Variants in SPRED2 observed in about 807,000 individuals in gnomAD.
SPRED2 encodes the protein sprouty-related, EVH1 domain-containing protein 2.
Under a neutral mutation model 43.0 loss-of-function variants are expected in SPRED2, and 47 were observed. The ratio of observed to expected loss-of-function variants is 1.09; its 90% CI spans 0.87 to 1.40. The LOEUF is 1.40. SPRED2 is among the 40% of genes most tolerant of loss of function. The pLI, the probability that SPRED2 is intolerant of heterozygous loss-of-function variation, is 0.00. For synonymous variants in SPRED2, 225 were observed against 225.7 expected (o/e 1.00, Z 0.03); for missense variants, 561 against 586.4 (o/e 0.96, Z 0.45).
rs773242396 is a variant in SPRED2 at position 65,334,621 on chromosome 2, G to C, written c.357C>G (p.Ile119Met). 3 of 1,614,142 alleles carry C rather than the reference G, an allele frequency of 1.9e-6. No individual in the cohort carries two copies. Among genetic ancestry groups the C allele is most frequent in the Non-Finnish European group, 2.5e-6 (3 of 1,180,032 alleles). Residue 119 changes from isoleucine to methionine, a missense_variant, in exon 3 of 6, where the codon ATC becomes ATG. Transcript: ENST00000356388. ...RAFDRGVRKA[I>M]EDLIEGSTTS... Reference sequence around the variant, plus strand: ...GTTCAATACCTTCTATAAGGTCTTCGATTGCTTTCCTTACTCCCCTGTCAA... The same window carrying C: ...GTTCAATACCTTCTATAAGGTCTTCCATTGCTTTCCTTACTCCCCTGTCAA...
chr2:65,334,900 T>C (rs909286977), intron 2 of SPRED2, 127 bp from the exon 3 acceptor site: 5 of 875,782 alleles, frequency 5.7e-6, no homozygotes, highest in Non-Finnish European at 9.0e-6. Flanking sequence ...TGCCTTCACA[T>C]ATCTGTGAGT....
Position 65,313,852 on chromosome 2 carries a change from C to T in SPRED2, c.906G>A (p.Glu302=). The part of the protein sequence containing the change: ...PSRGKSRRRK[E]DGERSRCVYC... ...ACACGCACCGCGAGCGCTCTCCGTC[C>T]TCCTTCCGCCGCCGCGACTTGCCCC... The change falls in exon 6 of 6, where the codon GAG becomes GAA. Residue 302 remains glutamate, a synonymous_variant. Transcript: ENST00000356388. The T allele has an allele frequency of 6.2e-7, 1 of 1,611,402 alleles. No individual in the cohort carries two copies. Among genetic ancestry groups the T allele is most frequent in the Non-Finnish European group, 8.5e-7 (1 of 1,179,892 alleles).
rs551734320 is a variant in SPRED2, at chr2:65,399,080, C to T, written c.26+32882G>A. Among the ~76,000 whole-genome samples, 4 of 152,048 alleles carry T rather than the reference C, an allele frequency of 2.6e-5. No homozygotes were observed. In the East Asian group the frequency reaches 7.8e-4, roughly 30 times the overall value. ...GATCACGAGGTCAGGAGATCGAGAC[C>T]ATCCTGGCTAACACGGTGAAACCCT... On this transcript the variant is annotated intron_variant, in intron 1 of 5. Coordinates refer to ENST00000356388, the MANE Select transcript of SPRED2 (RefSeq NM_181784.3).
chr2:65,321,505 A>T (rs939274710), intron 4 of SPRED2, among the ~76,000 whole-genome samples: 19 of 16,876 alleles, frequency 1.1e-3, no homozygotes, highest in South Asian at 7.1e-3. Flanking sequence ...GACCCTGTCT[A>T]AAAAAAAAAA....
intron 2 of SPRED2, among the ~76,000 whole-genome samples, chr2:65,338,485 G>A (rs79323995): frequency 0.27 from 40,606 of 151,522 alleles, 6,768 homozygotes; most frequent in East Asian, 0.69. Flanking sequence ...TTTTTGGTGG[G>A]GACGGGGTTT....
intron 3 of SPRED2, 33 bp from the exon 4 acceptor site, chr2:65,332,084 C>CAAA (rs1673829912): frequency 6.9e-7 from 1 of 1,452,064 alleles, no homozygotes; most frequent in Non-Finnish European, 9.6e-7. Context: ...AAAAGTGTTT[C>CAAA]CCAAGAGGAT....
At chr2:65,385,424 C>T (rs1316489997) in intron 1 of SPRED2, among the ~76,000 whole-genome samples, 1 of 152,178 alleles carries the variant, frequency 6.6e-6, no homozygotes, top group East Asian at 1.9e-4. Context: ...CAGGAACTTC[C>T]ATTAACCGCC....
At chr2:65,424,627 T>TA (rs80063073) in intron 1 of SPRED2, among the ~76,000 whole-genome samples, 19 of 149,868 alleles carry the variant, frequency 1.3e-4, no homozygotes, top group African/African-American at 2.7e-4. Context: ...ACCCCATCTC[T>TA]AAAAAAAAAG....
intron 1 of SPRED2, among the ~76,000 whole-genome samples, chr2:65,389,196 T>C (rs1338119505): frequency 6.6e-6 from 1 of 151,082 alleles, no homozygotes; most frequent in African/African-American, 2.4e-5. Context: ...CCCCAAGAGA[T>C]GCCTCATTTC....
intron 4 of SPRED2, among the ~76,000 whole-genome samples, chr2:65,320,959 G>A (rs1673391109): frequency 6.6e-6 from 1 of 152,166 alleles, no homozygotes. Flanking sequence ...TGTTATTTCT[G>A]TGCACAAGCT....
At chr2:65,323,166 T>TG in intron 4 of SPRED2, among the ~76,000 whole-genome samples, 1 of 152,144 alleles carries the variant, frequency 6.6e-6, no homozygotes, top group Admixed American at 6.5e-5. Context: ...GCTAATTTTT[T>TG]ATATTTTTAG....
chr2:65,394,180 T>C (rs1675701290), intron 1 of SPRED2, among the ~76,000 whole-genome samples: 1 of 152,230 alleles, frequency 6.6e-6, no homozygotes, highest in Non-Finnish European at 1.5e-5. Flanking sequence ...ATTTAAATTC[T>C]CATTTCCTCT....
chr2:65,319,278 T>C (rs1394826461), intron 4 of SPRED2, among the ~76,000 whole-genome samples: 1 of 152,184 alleles, frequency 6.6e-6, no homozygotes, highest in African/African-American at 2.4e-5. Flanking sequence ...CTAATTTCAA[T>C]ATGAACACAC....
intron 1 of SPRED2, among the ~76,000 whole-genome samples, chr2:65,372,835 CCAA>C (rs993480676): frequency 1.3e-5 from 2 of 152,184 alleles, no homozygotes; most frequent in African/African-American, 4.8e-5. Context: ...GCCACTCAGG[CCAA>C]CTCAACCCAT....
intron 2 of SPRED2, among the ~76,000 whole-genome samples, chr2:65,335,678 A>T (rs531922994): frequency 6.6e-6 from 1 of 152,324 alleles, no homozygotes; most frequent in South Asian, 2.1e-4. Context: ...TTTCATGTGT[A>T]TTAGTCTTGT....
At chr2:65,358,823 A>C (rs1040981588) in intron 1 of SPRED2, among the ~76,000 whole-genome samples, 1 of 152,260 alleles carries the variant, frequency 6.6e-6, no homozygotes, top group Non-Finnish European at 1.5e-5. Context: ...GCTTACTGAC[A>C]GTCTCCTTGA....
Position 65,313,590 on chromosome 2 carries a change from A to G in SPRED2, c.1168T>C (p.Cys390Arg), listed in dbSNP as rs755236208. ...ALIALSFLAP[C>R]MCCYLPLRAC... ...CGAAGGGGCAGGTAACAGCACATAC[A>G]GGGGGCCAGGAAAGACAAGGCAATA... is the stretch of plus-strand genomic sequence containing the variant. The change falls in exon 6 of 6, where the codon TGT becomes CGT. Residue 390 changes from cysteine to arginine, a missense_variant. Cys to Arg is a radical substitution (Grantham distance 180). This residue lies in a region of SPRED2 where 65 missense variants were observed against 60.2 expected (regional missense o/e 1.08). Coordinates refer to ENST00000356388, the MANE Select transcript of SPRED2 (RefSeq NM_181784.3). 1.2e-6 allele frequency: 2 copies of G among 1,614,176 alleles called. No individual in the cohort carries two copies. The highest frequency in any genetic ancestry group is 1.7e-6 in the Non-Finnish European group (2 of 1,180,010).
At chr2:65,334,898 C>T (rs144654157) in intron 2 of SPRED2, 125 bp from the exon 3 acceptor site, 1 of 928,210 alleles carries the variant, frequency 1.1e-6, no homozygotes, top group African/African-American at 1.6e-5. Flanking sequence ...CCTGCCTTCA[C>T]ATATCTGTGA....
intron 1 of SPRED2, among the ~76,000 whole-genome samples, chr2:65,426,527 G>A (rs1676561656): frequency 6.6e-6 from 1 of 152,152 alleles, no homozygotes; most frequent in South Asian, 2.1e-4. Flanking sequence ...CTGGGTATAA[G>A]CCCAACTTGA....
Sources: allele counts gnomAD v4.1 joint callset (sites outside exome capture counted in the v4.1 genomes callset), GRCh38; gene constraint gnomAD v4.1.1; regional missense constraint gnomAD v4.1.1; transcripts MANE v1.5; gene names NCBI Gene and HGNC (gene_info 2026-07-23, HGNC 2026-07-21).